THAP6: variants seen among roughly 807,000 people sequenced by gnomAD.
THAP6 encodes THAP domain-containing protein 6.
THAP6 carries 13 observed loss-of-function variants against 20.0 expected under a neutral mutation model. The observed-to-expected ratio is 0.65, with a 90% CI of 0.42 to 1.03. THAP6 has a LOEUF of 1.03. Among genes scored for constraint, THAP6 ranks in the 50% least tolerant of loss-of-function variants. The pLI is 0.00. For synonymous variants in THAP6, 93 were observed against 92.2 expected (o/e 1.01, Z -0.05); for missense variants, 262 against 261.6 (o/e 1.00, Z -0.01).
rs770898496 is a variant in THAP6, at chr4:75,529,301, A to G, written c.*2087A>G. On this transcript the variant is annotated 3_prime_UTR_variant, in exon 5 of 5. Coordinates refer to ENST00000311638, the MANE Select transcript of THAP6 (RefSeq NM_144721.6). The stretch of plus-strand genomic sequence containing the variant: ...TCTAGCACTCTACTGGCTGCTTAGA[A>G]TACACCAAACCTGGAAGACCTTTCC... 6 of 985,314 alleles carry G rather than the reference A, an allele frequency of 6.1e-6. No homozygotes were observed. Among genetic ancestry groups the G allele is most frequent in the Non-Finnish European group, 6.0e-6 (5 of 829,946 alleles). The allele number at this position is 985,314 out of a possible 1,614,324, so 61.0% of individuals were successfully genotyped here. A position where few individuals can be genotyped will look rare whatever the true frequency, so the allele number is the denominator to read the frequency against.
intron 4 of THAP6, among the ~76,000 whole-genome samples, chr4:75,525,242 C>G (rs1726290256): frequency 6.6e-6 from 1 of 152,022 alleles, no homozygotes; most frequent in Admixed American, 6.6e-5. Context: ...CAATTTTTCC[C>G]CTCCTTCAGG....
At chr4:75,517,161 G>A in intron 3 of THAP6, 182 bp downstream of exon 3, 1 of 515,382 alleles carries the variant, frequency 1.9e-6, no homozygotes. Context: ...GGGATTACAG[G>A]CACCTGCCAC....
At chr4:75,515,095 C>T (rs569547694) in intron 1 of THAP6, 2 of 205,744 alleles carry the variant, frequency 9.7e-6, no homozygotes, top group South Asian at 1.6e-4. Flanking sequence ...GAAGGCTTCC[C>T]TGGGGAAGCG....
chr4:75,516,997 T>A lies in THAP6; in HGVS notation c.288+18T>A, dbSNP rs1174093937. On this transcript the variant is annotated intron_variant, in intron 3 of 4. Transcript: ENST00000311638. ...ACCTACAGGTTTGTTTATGAGATAC[T>A]GTTTACCATCATTGCTCACTTTTTT... The A allele has an allele frequency of 6.5e-7, 1 of 1,537,690 alleles. No homozygotes were observed. Among genetic ancestry groups the A allele is most frequent in the Non-Finnish European group, 8.9e-7 (1 of 1,126,118 alleles).
At position 75,521,728 on chromosome 4, in the gene THAP6, C is replaced by G. The variant is rs752297810; in HGVS notation, c.289-8C>G. 3 of 1,600,174 alleles carry G rather than the reference C, an allele frequency of 1.9e-6. No individual in the cohort carries two copies. The highest frequency in any genetic ancestry group is 2.6e-6 in the Non-Finnish European group (3 of 1,172,096). ...CACTTGATGATTATTATTAACTACT[C>G]TTAACAGGGGAAAAGAGAAAAACTT... On this transcript the variant is annotated splice_region_variant and splice_polypyrimidine_tract_variant and intron_variant, in intron 3 of 4. Transcript: ENST00000311638.
intron 1 of THAP6, chr4:75,515,026 G>A (rs896320865): frequency 5.6e-6 from 1 of 179,616 alleles, no homozygotes; most frequent in African/African-American, 2.3e-5. Flanking sequence ...CTAGGAAGAA[G>A]TGTGTGTCCT....
upstream of THAP6, chr4:75,514,420 A>T (rs955183274): frequency 2.0e-5 from 20 of 1,011,896 alleles, no homozygotes; most frequent in Admixed American, 2.9e-5. Flanking sequence ...TAAGCACGTG[A>T]CCCGGGGCAG....
intron 2 of THAP6, among the ~76,000 whole-genome samples, chr4:75,535,783 A>G (rs1056149650): frequency 1.3e-5 from 2 of 152,206 alleles, no homozygotes; most frequent in Non-Finnish European, 2.9e-5. Flanking sequence ...TAAACTGGGT[A>G]AAGATGGAAA....
chr4:75,535,463 G>A (rs2148828957), intron 2 of THAP6, among the ~76,000 whole-genome samples: 1 of 152,328 alleles, frequency 6.6e-6, no homozygotes, highest in Non-Finnish European at 1.5e-5. Context: ...AGGGAGTTCT[G>A]TACCTCAGAG....
chr4:75,521,775 C>A lies in THAP6; in HGVS notation c.328C>A (p.Leu110Ile). Reference sequence around the variant, plus strand: ...ACTTCATTGTAGAAAAAACTTCACCCTCAAAACCGTTCCAGCCACTAACTA... The same window carrying A: ...ACTTCATTGTAGAAAAAACTTCACCATCAAAACCGTTCCAGCCACTAACTA... ...EKLHCRKNFT[L>I]KTVPATNYNH... is the part of the protein sequence containing the mutation. The change falls in exon 4 of 5, where the codon CTC becomes ATC. Residue 110 changes from leucine (L) to isoleucine (I), a missense_variant. Coordinates refer to ENST00000311638, the MANE Select transcript of THAP6 (RefSeq NM_144721.6). 2 of 1,613,214 alleles carry A rather than the reference C, an allele frequency of 1.2e-6. No individual in the cohort carries two copies. Among genetic ancestry groups the A allele is most frequent in the Middle Eastern group, 1.7e-4 (1 of 6,058 alleles).
intron 2 of THAP6, among the ~76,000 whole-genome samples, chr4:75,541,776 C>T (rs1252286991): frequency 6.6e-6 from 1 of 151,978 alleles, no homozygotes; most frequent in Non-Finnish European, 1.5e-5. Context: ...GCCAACATGG[C>T]AAGACCTCGT....
chr4:75,536,470 A>G (rs930906329), intron 2 of THAP6, among the ~76,000 whole-genome samples: 1 of 152,168 alleles, frequency 6.6e-6, no homozygotes, highest in Admixed American at 6.5e-5. Flanking sequence ...ATCTAAAAAA[A>G]AAGAGAGAAG....
chr4:75,515,255 T>C (rs1344907054), intron 1 of THAP6, among the ~76,000 whole-genome samples, 178 bp from the exon 2 acceptor site: 1 of 152,156 alleles, frequency 6.6e-6, no homozygotes, highest in Non-Finnish European at 1.5e-5. Flanking sequence ...AATATGTTTC[T>C]CCTTATTAAA....
At chr4:75,522,614 C>G (rs916579312) in intron 4 of THAP6, 1 of 152,068 alleles carries the variant, frequency 6.6e-6, no homozygotes, top group Non-Finnish European at 1.5e-5. Flanking sequence ...TCTCTCGTAA[C>G]CATCATTTTA....
chr4:75,515,266 G>C (rs577198393), intron 1 of THAP6, among the ~76,000 whole-genome samples, 167 bp from the exon 2 acceptor site: 40 of 152,306 alleles, frequency 2.6e-4, no homozygotes, highest in African/African-American at 8.7e-4. Context: ...CCTTATTAAA[G>C]AGTCAAGGCC....
intron 3 of THAP6, among the ~76,000 whole-genome samples, chr4:75,547,145 G>T (rs1051067139): frequency 2.0e-5 from 3 of 152,186 alleles, no homozygotes; most frequent in African/African-American, 7.2e-5. Context: ...AGGTACAGGG[G>T]CAGACCCTTC....
Position 75,516,887 on chromosome 4 carries a change from T to C in THAP6, c.196T>C (p.Phe66Leu). The change falls in exon 3 of 5, where the codon TTT (phenylalanine) becomes CTT (leucine). Residue 66 changes from phenylalanine to leucine, a missense_variant. Coordinates refer to ENST00000311638, the MANE Select transcript of THAP6 (RefSeq NM_144721.6). ...AGGAGATGTGTTGTGTTCGAGGCAC[T>C]TTAAGAAGACAGATTTTGACAGAAG... ...KKGDVLCSRH[F>L]KKTDFDRSAP... The C allele has an allele frequency of 6.2e-7, 1 of 1,614,150 alleles. No individual in the cohort carries two copies. Among genetic ancestry groups the C allele is most frequent in the Non-Finnish European group, 8.5e-7 (1 of 1,180,016 alleles).
At position 75,527,453 on chromosome 4, in the gene THAP6, A is replaced by G; in HGVS notation, c.*239A>G. ...AGACCTACACTAGTGCCAGGTCACT[A>G]TTGTAAGATGTTAAAATCTCAAGAA... On this transcript the variant is annotated 3_prime_UTR_variant, in exon 5 of 5. Coordinates refer to ENST00000311638, the MANE Select transcript of THAP6 (RefSeq NM_144721.6). 1 of 1,285,202 alleles carries G rather than the reference A, an allele frequency of 7.8e-7. No homozygotes were observed. 79.6% of individuals were successfully genotyped at this position (1,285,202 alleles called of 1,614,324 possible). A position where few individuals can be genotyped will look rare whatever the true frequency, so the allele number is the denominator to read the frequency against.
intron 3 of THAP6, among the ~76,000 whole-genome samples, chr4:75,543,336 A>G (rs1408441120): frequency 2.0e-5 from 3 of 152,230 alleles, no homozygotes; most frequent in East Asian, 3.8e-4. Context: ...TTAGCAAACC[A>G]CTTGTGGCAT....
Sources: allele counts gnomAD v4.1 joint callset (sites outside exome capture counted in the v4.1 genomes callset), GRCh38; gene constraint gnomAD v4.1.1; transcripts MANE v1.5; gene names NCBI Gene and HGNC (gene_info 2026-07-23, HGNC 2026-07-21).